The following AGBL3 variants were observed in gnomAD, a reference collection of about 807,000 sequenced individuals.
The protein encoded by AGBL3 is cytosolic carboxypeptidase 3.
AGBL3 carries 68 observed loss-of-function variants against 94.5 expected under a neutral mutation model. The ratio of observed to expected loss-of-function variants is 0.72; its 90% CI spans 0.59 to 0.88. The LOEUF is 0.88. Among genes scored for constraint, AGBL3 ranks in the 40% least tolerant of loss-of-function variants. The probability of loss-of-function intolerance (pLI) is 0.00; values close to 1 mark genes in which losing one functional copy is unlikely to be tolerated. For missense variants in AGBL3, 934 were observed against 1,103.8 expected (o/e 0.85, Z 2.18); for synonymous variants, 354 against 370.7 (o/e 0.95, Z 0.52).
chr7:135,006,403 A>G (rs913060279), intron 4 of AGBL3, among the ~76,000 whole-genome samples: 1 of 151,878 alleles, frequency 6.6e-6, no homozygotes, highest in African/African-American at 2.4e-5. Context: ...ACAAAGTTAG[A>G]ATGAAAATTT....
intron 15 of AGBL3, among the ~76,000 whole-genome samples, chr7:135,100,315 T>C (rs1373697387): frequency 2.0e-5 from 3 of 152,078 alleles, no homozygotes; most frequent in African/African-American, 7.2e-5. Context: ...ATAAAACTAA[T>C]ACTAAAAACT....
At position 135,029,210 on chromosome 7, in the gene AGBL3, C is replaced by T. The variant is rs564165382; in HGVS notation, c.419-3634C>T. On this transcript the variant is annotated intron_variant, in intron 5 of 16. Transcript: ENST00000436302. ...ACCCCTAAGAGGATAGTCAGTCTGT[C>T]TTTGAAGCTCTGAAGCAGGGCATTG... Among the ~76,000 whole-genome samples, 44 of 152,324 alleles carry T rather than the reference C, an allele frequency of 2.9e-4. No homozygotes were observed. In the South Asian group the frequency reaches 5.6e-3, roughly 19 times the overall value.
At chr7:135,123,003 A>C (rs956314502) in intron 16 of AGBL3, among the ~76,000 whole-genome samples, 1 of 152,178 alleles carries the variant, frequency 6.6e-6, no homozygotes, top group African/African-American at 2.4e-5. Context: ...AAATGATCGC[A>C]ATGTATCTCC....
At chr7:135,018,172 G>T (rs1563187857) in intron 5 of AGBL3, among the ~76,000 whole-genome samples, 1 of 152,172 alleles carries the variant, frequency 6.6e-6, no homozygotes, top group Admixed American at 6.5e-5. Flanking sequence ...CATGTCTGCT[G>T]GGCCTGAAAG....
chr7:135,067,682 A>T (rs1368470282), intron 12 of AGBL3, among the ~76,000 whole-genome samples: 1 of 152,228 alleles, frequency 6.6e-6, no homozygotes, highest in African/African-American at 2.4e-5. Flanking sequence ...GAGGGTCCTG[A>T]CTGTTAGAAG....
At chr7:135,048,757 T>G (rs1452215372) in intron 11 of AGBL3, among the ~76,000 whole-genome samples, 3 of 151,604 alleles carry the variant, frequency 2.0e-5, no homozygotes, top group South Asian at 2.1e-4. Flanking sequence ...ACAGTTGTTT[T>G]TTTTTTTTAA....
At chr7:135,133,785 T>C (rs1025477395) in intron 16 of AGBL3, among the ~76,000 whole-genome samples, 1 of 152,162 alleles carries the variant, frequency 6.6e-6, no homozygotes, top group African/African-American at 2.4e-5. Context: ...AACCTGTGTG[T>C]ATAACTATTT....
chr7:134,995,819 T>G (rs1163982965), intron 4 of AGBL3, among the ~76,000 whole-genome samples: 1 of 152,206 alleles, frequency 6.6e-6, no homozygotes, highest in Non-Finnish European at 1.5e-5. Flanking sequence ...GCTATGCCAC[T>G]GTTCTTTTAT....
Position 135,032,601 on chromosome 7 carries a change from A to G in AGBL3, c.419-243A>G, listed in dbSNP as rs567978599. ...CCAAAGTGTTAGGATTACAGACATG[A>G]CCCACTGCGCCTGGCCAAATGAGTA... is the stretch of plus-strand genomic sequence containing the variant. On this transcript the variant is annotated intron_variant, in intron 5 of 16. Coordinates refer to ENST00000436302, the MANE Select transcript of AGBL3 (RefSeq NM_178563.4). Among the ~76,000 whole-genome samples the G allele has an allele frequency of 7.9e-5, 12 of 151,898 alleles. No individual in the cohort carries two copies. In the East Asian group the frequency reaches 2.1e-3, roughly 27 times the overall value.
At chr7:135,107,916 T>C (rs1217494866) in intron 15 of AGBL3, among the ~76,000 whole-genome samples, 1 of 152,226 alleles carries the variant, frequency 6.6e-6, no homozygotes, top group East Asian at 1.9e-4. Context: ...CATATATATT[T>C]AGAATACTTA....
At chr7:134,999,872 C>T (rs941140688) in intron 4 of AGBL3, among the ~76,000 whole-genome samples, 7 of 152,212 alleles carry the variant, frequency 4.6e-5, no homozygotes, top group African/African-American at 1.7e-4. Flanking sequence ...TGATGTAGTA[C>T]AGTAGTCTTC....
At chr7:135,037,264 A>T (rs1369809995) in intron 7 of AGBL3, among the ~76,000 whole-genome samples, 154 bp from the exon 8 acceptor site, 2 of 152,196 alleles carry the variant, frequency 1.3e-5, no homozygotes, top group African/African-American at 4.8e-5. Flanking sequence ...GTAGATTTAA[A>T]AAATTGTATA....
intron 14 of AGBL3, among the ~76,000 whole-genome samples, chr7:135,080,941 TAC>T (rs34640801): frequency 0.037 from 5,541 of 148,558 alleles, 329 homozygotes; most frequent in African/African-American, 0.13. Context: ...GTAACCTAAT[TAC>T]ACACACACAC....
At chr7:135,117,323 C>G (rs1160291347) in intron 16 of AGBL3, among the ~76,000 whole-genome samples, 1 of 151,882 alleles carries the variant, frequency 6.6e-6, no homozygotes, top group Non-Finnish European at 1.5e-5. Flanking sequence ...ATTAATCCAC[C>G]TAGACCCTAT....
intron 12 of AGBL3, among the ~76,000 whole-genome samples, chr7:135,075,646 T>C (rs1585015908): frequency 6.6e-6 from 1 of 152,216 alleles, no homozygotes; most frequent in East Asian, 1.9e-4. Flanking sequence ...AATTCTTTAA[T>C]TGACTGCCAA....
Position 134,999,018 on chromosome 7 carries a change from C to CA in AGBL3, c.310+5340_310+5341insA, listed in dbSNP as rs1452265175. ...GTCAGCCCTTCCTGCCTTTATCACC[C>CA]CCTATTTTAGACAAAAAAAAAAGTT... On this transcript the variant is annotated intron_variant, in intron 4 of 16. Coordinates refer to ENST00000436302, the MANE Select transcript of AGBL3 (RefSeq NM_178563.4). Among the ~76,000 whole-genome samples the CA allele has an allele frequency of 6.0e-4, 92 of 152,184 alleles. 1 individual carries two copies. The highest frequency in any genetic ancestry group is 1.3e-4 in the Non-Finnish European group (9 of 68,006).
At chr7:135,106,972 C>G (rs1824821558) in intron 15 of AGBL3, among the ~76,000 whole-genome samples, 1 of 152,072 alleles carries the variant, frequency 6.6e-6, no homozygotes, top group African/African-American at 2.4e-5. Context: ...ATTTATCCAT[C>G]TCTTCTAGGT....
chr7:135,103,354 T>C (rs2117050080), intron 15 of AGBL3, among the ~76,000 whole-genome samples: 1 of 152,252 alleles, frequency 6.6e-6, no homozygotes, highest in Middle Eastern at 3.4e-3. Flanking sequence ...ATATAGAAAA[T>C]GTTTTAAGTG....
intron 15 of AGBL3, among the ~76,000 whole-genome samples, chr7:135,102,451 T>C (rs955646204): frequency 6.6e-6 from 1 of 152,178 alleles, no homozygotes; most frequent in Non-Finnish European, 1.5e-5. Context: ...TAAAATTTTA[T>C]ACTCCATTGA....
Sources: allele counts gnomAD v4.1 joint callset (sites outside exome capture counted in the v4.1 genomes callset), GRCh38; gene constraint gnomAD v4.1.1; transcripts MANE v1.5; gene names NCBI Gene and HGNC (gene_info 2026-07-23, HGNC 2026-07-21).